The following SLC36A1 variants were observed in gnomAD, a reference collection of about 807,000 sequenced individuals.
SLC36A1 encodes proton-coupled amino acid transporter 1.
SLC36A1 carries 30 observed loss-of-function variants against 47.5 expected under a neutral mutation model. That is an observed-to-expected ratio of 0.63 (90% CI 0.47 to 0.86). SLC36A1 has a LOEUF of 0.86. Among genes scored for constraint, SLC36A1 ranks in the 40% least tolerant of loss-of-function variants. The pLI is 0.00. For missense variants in SLC36A1, 517 were observed against 606.0 expected (o/e 0.85, Z 1.54); for synonymous variants, 255 against 249.7 (o/e 1.02, Z -0.20).
chr5:151,500,032 G>A, the SLC36A1 span, among the ~76,000 whole-genome samples: 1 of 152,108 alleles, frequency 6.6e-6, no homozygotes, highest in Admixed American at 6.6e-5. Context: ...GTCCTAAGTT[G>A]AGCAGACCCC....
chr5:151,387,578 G>A, the SLC36A1 span, among the ~76,000 whole-genome samples: 3 of 152,144 alleles, frequency 2.0e-5, no homozygotes, highest in Non-Finnish European at 4.4e-5. Flanking sequence ...TTCAATGAGT[G>A]GGGTGGTGGG....
chr5:151,440,412 A>G (rs1752556389), intron 1 of SLC36A1, among the ~76,000 whole-genome samples: 1 of 152,086 alleles, frequency 6.6e-6, no homozygotes, highest in Non-Finnish European at 1.5e-5. Context: ...CTTAACAGAG[A>G]GAGGCTTGAC....
the SLC36A1 span, chr5:151,521,318 G>C: frequency 6.2e-7 from 1 of 1,613,190 alleles, no homozygotes; most frequent in Non-Finnish European, 8.5e-7. Context: ...CGCGGGGTTA[G>C]GATGCTGAGC....
chr5:151,412,573 T>G, the SLC36A1 span: 5 of 144,064 alleles, frequency 3.5e-5, no homozygotes, highest in Admixed American at 2.1e-4. Context: ...CTTCCCAGCG[T>G]GAAGACTTTG....
chr5:151,537,857 A>G, the SLC36A1 span: 1 of 1,614,128 alleles, frequency 6.2e-7, no homozygotes, highest in Non-Finnish European at 8.5e-7. Context: ...TGATCTGAGC[A>G]TTGGTATCAG....
At chr5:151,459,075 C>T (rs6891599) in intron 2 of SLC36A1, 140 bp downstream of exon 2, 119,106 of 932,574 alleles carry the variant, frequency 0.13, 10,768 homozygotes, top group East Asian at 0.41. Context: ...CGAGTGACTG[C>T]GCTGAGATTT....
chr5:151,538,294 C>T, the SLC36A1 span, among the ~76,000 whole-genome samples: 2 of 152,238 alleles, frequency 1.3e-5, no homozygotes, highest in African/African-American at 2.4e-5. Context: ...TTCTTCCACC[C>T]AGTCCTTTGA....
chr5:151,463,523 T>A (rs1755881669), intron 2 of SLC36A1, 30 bp from the exon 3 acceptor site: 1 of 1,521,030 alleles, frequency 6.6e-7, no homozygotes, highest in Admixed American at 1.7e-5. Context: ...CTGTCATGGT[T>A]ATCATTTCCT....
chr5:151,350,256 C>T, the SLC36A1 span, among the ~76,000 whole-genome samples: 1 of 152,002 alleles, frequency 6.6e-6, no homozygotes, highest in African/African-American at 2.4e-5. Context: ...TTCTATGTGC[C>T]AAGCTCTAGA....
At chr5:151,499,294 C>T in the SLC36A1 span, among the ~76,000 whole-genome samples, 25 of 152,304 alleles carry the variant, frequency 1.6e-4, no homozygotes, top group Admixed American at 8.5e-4. Context: ...TCAGAGGCTG[C>T]CCGAGGGTTT....
the SLC36A1 span, chr5:151,507,361 T>G: frequency 5.0e-6 from 8 of 1,614,192 alleles, no homozygotes; most frequent in Non-Finnish European, 5.9e-6. Context: ...CTCAATGGGT[T>G]GAGCTCGATG....
At chr5:151,365,452 G>C in the SLC36A1 span, among the ~76,000 whole-genome samples, 1 of 152,168 alleles carries the variant, frequency 6.6e-6, no homozygotes, top group Admixed American at 6.5e-5. Flanking sequence ...TGGAGACAAA[G>C]TCACAATTGG....
chr5:151,515,144 T>C, the SLC36A1 span, among the ~76,000 whole-genome samples: 5 of 152,174 alleles, frequency 3.3e-5, no homozygotes, highest in African/African-American at 1.2e-4. Flanking sequence ...CCCATCTTAC[T>C]GGCCTCTCAG....
chr5:151,544,496 C>T, the SLC36A1 span: 1 of 1,614,168 alleles, frequency 6.2e-7, no homozygotes, highest in South Asian at 1.1e-5. Flanking sequence ...ATCAAGGGTT[C>T]TTCCTCCACA....
At chr5:151,470,450 T>A (rs1379312577) in intron 7 of SLC36A1, among the ~76,000 whole-genome samples, 1 of 152,174 alleles carries the variant, frequency 6.6e-6, no homozygotes, top group African/African-American at 2.4e-5. Flanking sequence ...CACAGAGCAA[T>A]GTCTGCATAA....
chr5:151,347,246 C>A, the SLC36A1 span: 4 of 1,611,414 alleles, frequency 2.5e-6, no homozygotes, highest in South Asian at 2.2e-5. Flanking sequence ...TTTGCCAATG[C>A]AAGCTTCAGG....
chr5:151,467,991 C>T, intron 7 of SLC36A1, 66 bp downstream of exon 7: 8 of 1,398,052 alleles, frequency 5.7e-6, no homozygotes, highest in Non-Finnish European at 8.0e-6. Context: ...CGTGGTAGCT[C>T]ATGCCTGTAA....
the SLC36A1 span, among the ~76,000 whole-genome samples, chr5:151,526,303 G>A: frequency 6.6e-6 from 1 of 152,148 alleles, no homozygotes; most frequent in African/African-American, 2.4e-5. Flanking sequence ...ATTTAAATTA[G>A]TTATTACCTG....
the SLC36A1 span, chr5:151,526,015 C>T: frequency 6.4e-7 from 1 of 1,563,534 alleles, no homozygotes; most frequent in Non-Finnish European, 8.7e-7. Context: ...AGTCCCGGTC[C>T]TTCCTTTCGC....
Sources: gnomAD v4.1 joint callset for allele counts (sites outside exome capture counted in the v4.1 genomes callset) on GRCh38, gnomAD v4.1.1 for gene constraint, MANE v1.5 for transcripts, NCBI Gene and HGNC (gene_info 2026-07-23, HGNC 2026-07-21) for gene names.